PHACTR3: variants seen among roughly 807,000 people sequenced by gnomAD.
PHACTR3 encodes the protein protein phosphatase 1, regulatory subunit 123.
PHACTR3 carries 16 observed loss-of-function variants against 66.8 expected under a neutral mutation model. The observed-to-expected ratio is 0.24, with a 90% CI of 0.16 to 0.36. The LOEUF (loss-of-function observed/expected upper bound fraction) is 0.36. PHACTR3 is among the 10% of genes least tolerant of loss of function. PHACTR3 has a pLI of 1.00. For synonymous variants in PHACTR3, 323 were observed against 292.1 expected, an observed-to-expected ratio of 1.11 and a Z score of -1.08; for missense variants, 647 against 719.9, an observed-to-expected ratio of 0.90 and a Z score of 1.16.
At chr20:59,694,583 A>C (rs781453428) in intron 1 of PHACTR3, among the ~76,000 whole-genome samples, 18 of 152,108 alleles carry the variant, frequency 1.2e-4, no homozygotes, top group Non-Finnish European at 2.5e-4. Context: ...GTGAAGAGAT[A>C]TAAGGAATTT....
intron 4 of PHACTR3, among the ~76,000 whole-genome samples, chr20:59,761,258 G>A (rs117960473): frequency 0.022 from 3,395 of 152,182 alleles, 58 homozygotes; most frequent in Non-Finnish European, 0.035. Flanking sequence ...TTCCTAGCTG[G>A]TGGCTGCCCT....
At chr20:59,664,072 A>C (rs759384015) in intron 1 of PHACTR3, among the ~76,000 whole-genome samples, 1 of 152,170 alleles carries the variant, frequency 6.6e-6, no homozygotes, top group Non-Finnish European at 1.5e-5. Context: ...GAAAAGCCAC[A>C]CTTAACTGTA....
intron 1 of PHACTR3, among the ~76,000 whole-genome samples, chr20:59,627,720 G>A (rs539097531): frequency 5.3e-5 from 8 of 152,212 alleles, no homozygotes; most frequent in South Asian, 2.1e-4. Flanking sequence ...CTTAGGAAGC[G>A]TCTGTGTATC....
At chr20:59,822,556 G>A (rs568894901) in intron 8 of PHACTR3, among the ~76,000 whole-genome samples, 1 of 152,024 alleles carries the variant, frequency 6.6e-6, no homozygotes, top group African/African-American at 2.4e-5. Context: ...CCCCTCCTGG[G>A]CTGGTGGGCG....
At chr20:59,755,117 T>C in intron 3 of PHACTR3, 65 bp from the exon 4 acceptor site, 1 of 1,520,666 alleles carries the variant, frequency 6.6e-7, no homozygotes, top group Non-Finnish European at 8.9e-7. Flanking sequence ...GAAAGACTCT[T>C]GGGACGACGG....
intron 1 of PHACTR3, among the ~76,000 whole-genome samples, chr20:59,613,916 A>G (rs185874534): frequency 6.8e-4 from 104 of 152,374 alleles, no homozygotes; most frequent in Admixed American, 1.7e-3. Context: ...AGAGCCAATC[A>G]TCTGGTCAGC....
intron 1 of PHACTR3, among the ~76,000 whole-genome samples, chr20:59,616,783 C>A (rs1260328011): frequency 6.6e-6 from 1 of 152,146 alleles, no homozygotes; most frequent in African/African-American, 2.4e-5. Context: ...CTAATCCTTG[C>A]AAGTAGCTGG....
intron 1 of PHACTR3, among the ~76,000 whole-genome samples, chr20:59,739,131 G>A (rs1006103850): frequency 5.3e-5 from 8 of 152,156 alleles, no homozygotes; most frequent in Admixed American, 2.6e-4. Flanking sequence ...CAGCTGCCCT[G>A]GTTCCACACA....
chr20:59,663,122 G>A (rs2035870204), intron 1 of PHACTR3, among the ~76,000 whole-genome samples: 1 of 152,326 alleles, frequency 6.6e-6, no homozygotes, highest in Non-Finnish European at 1.5e-5. Context: ...GCGCCTTCAC[G>A]TGGCCTTTAC....
At chr20:59,619,146 TC>T (rs2034143758) in intron 1 of PHACTR3, among the ~76,000 whole-genome samples, 1 of 152,068 alleles carries the variant, frequency 6.6e-6, no homozygotes, top group Non-Finnish European at 1.5e-5. Flanking sequence ...TATAGCCCCC[TC>T]CCCTGAGTGT....
chr20:59,764,818 AATAG>A (rs2040126070), intron 4 of PHACTR3, among the ~76,000 whole-genome samples: 1 of 152,230 alleles, frequency 6.6e-6, no homozygotes, highest in African/African-American at 2.4e-5. Context: ...ACTTCAGAAT[AATAG>A]ATGTGTGAAT....
At chr20:59,754,043 C>T (rs1161089337) in intron 3 of PHACTR3, among the ~76,000 whole-genome samples, 1 of 152,238 alleles carries the variant, frequency 6.6e-6, no homozygotes, top group East Asian at 1.9e-4. Context: ...ACCGGGCCTC[C>T]AGGAACTGCT....
intron 1 of PHACTR3, among the ~76,000 whole-genome samples, chr20:59,608,554 G>T (rs2146339362): frequency 6.6e-6 from 1 of 152,338 alleles, no homozygotes; most frequent in South Asian, 2.1e-4. Context: ...CCTGGGGCCA[G>T]CCCCTGGCAT....
intron 7 of PHACTR3, among the ~76,000 whole-genome samples, chr20:59,774,712 C>T (rs182167412): frequency 1.1e-4 from 17 of 151,500 alleles, no homozygotes; most frequent in Admixed American, 4.6e-4. Flanking sequence ...GAAAATACCC[C>T]GGTGAAATTG....
chr20:59,712,389 T>G (rs2037941534), intron 1 of PHACTR3, among the ~76,000 whole-genome samples: 1 of 152,198 alleles, frequency 6.6e-6, no homozygotes, highest in South Asian at 2.1e-4. Context: ...GTAATGACAC[T>G]TCCACTGTGG....
At chr20:59,623,830 C>A (rs934233011) in intron 1 of PHACTR3, among the ~76,000 whole-genome samples, 5 of 152,100 alleles carry the variant, frequency 3.3e-5, no homozygotes, top group African/African-American at 1.2e-4. Context: ...ACAGGGAAGA[C>A]CAGGTTGAGG....
intron 8 of PHACTR3, among the ~76,000 whole-genome samples, chr20:59,818,307 G>A (rs1221648656): frequency 6.6e-6 from 1 of 152,182 alleles, no homozygotes; most frequent in African/African-American, 2.4e-5. Flanking sequence ...TGGGGCCACG[G>A]GAAGGATGCA....
chr20:59,639,468 G>A (rs750594673), intron 1 of PHACTR3, among the ~76,000 whole-genome samples: 1 of 152,154 alleles, frequency 6.6e-6, no homozygotes, highest in Admixed American at 6.5e-5. Flanking sequence ...GACAAGCATG[G>A]TGTGACCTCC....
chr20:59,657,200 C>A (rs965505516), intron 1 of PHACTR3, among the ~76,000 whole-genome samples: 1 of 151,522 alleles, frequency 6.6e-6, no homozygotes, highest in East Asian at 1.9e-4. Flanking sequence ...ACTTCCTTTG[C>A]GTTATTGTCA....
Sources: gnomAD v4.1 joint callset for allele counts (sites outside exome capture counted in the v4.1 genomes callset) on GRCh38, gnomAD v4.1.1 for gene constraint, MANE v1.5 for transcripts, NCBI Gene and HGNC (gene_info 2026-07-23, HGNC 2026-07-21) for gene names.